Variants in DSCAM observed in about 807,000 individuals in gnomAD.
DSCAM encodes the protein DS cell adhesion molecule.
In DSCAM, 47 loss-of-function variants were observed where a neutral mutation model predicts 217.7. That is an observed-to-expected ratio of 0.22 (90% CI 0.17 to 0.28). The LOEUF (loss-of-function observed/expected upper bound fraction) is 0.28. DSCAM is among the 10% of genes least tolerant of loss of function. DSCAM has a pLI of 1.00. For synonymous variants in DSCAM, 1,056 were observed against 1,015.3 expected, an observed-to-expected ratio of 1.04 and a Z score of -0.76; for missense variants, 2,080 against 2,618.3, an observed-to-expected ratio of 0.79 and a Z score of 4.49.
intron 32 of DSCAM, 59 bp downstream of exon 32, chr21:40,042,312 G>T: frequency 6.4e-7 from 1 of 1,563,952 alleles, no homozygotes; most frequent in South Asian, 1.2e-5. Flanking sequence ...GCAGATGAGG[G>T]AGGACCAGGA....
In DSCAM at chr21:40,518,530, A is replaced by ATT. The variant is rs2076331585; in HGVS notation, c.509-149286_509-149285insAA. ...ATATAATATATATAATATATATTTT[A>ATT]TATATATATATGTACACACACATAT... On this transcript the variant is annotated intron_variant, in intron 3 of 32. Coordinates refer to ENST00000400454, the MANE Select transcript of DSCAM (RefSeq NM_001389.5). 8.6e-4 allele frequency among the ~76,000 whole-genome samples: 36 copies of ATT among 41,804 alleles called. 4 individuals are homozygous for ATT. The highest frequency in any genetic ancestry group is 5.6e-3 in the Admixed American group (11 of 1,958). The allele number at this position is 41,804 out of a possible 152,430, so 27.4% of individuals were successfully genotyped here.
At chr21:40,469,856 G>A (rs2075873990) in intron 3 of DSCAM, among the ~76,000 whole-genome samples, 1 of 152,174 alleles carries the variant, frequency 6.6e-6, no homozygotes, top group Non-Finnish European at 1.5e-5. Flanking sequence ...TTATTTGCAT[G>A]TAGTGTTTGA....
intron 16 of DSCAM, among the ~76,000 whole-genome samples, chr21:40,145,114 T>C (rs1330469266): frequency 6.6e-6 from 1 of 152,118 alleles, no homozygotes; most frequent in Non-Finnish European, 1.5e-5. Context: ...AAAATACAGA[T>C]CATGTTTGTG....
chr21:40,559,480 C>G (rs554914596), intron 3 of DSCAM, among the ~76,000 whole-genome samples: 7 of 145,788 alleles, frequency 4.8e-5, no homozygotes, highest in Admixed American at 4.8e-4. Context: ...AAAAAAAGTA[C>G]AAGTAAAGAC....
intron 3 of DSCAM, among the ~76,000 whole-genome samples, chr21:40,539,251 T>C (rs1004916242): frequency 1.5e-4 from 23 of 152,042 alleles, no homozygotes; most frequent in African/African-American, 5.3e-4. Context: ...ACGCTGGTAA[T>C]CCCAGCACTT....
At chr21:40,272,649 G>T (rs2073634719) in intron 11 of DSCAM, among the ~76,000 whole-genome samples, 1 of 152,084 alleles carries the variant, frequency 6.6e-6, no homozygotes, top group South Asian at 2.1e-4. Context: ...GGAGAGTTTG[G>T]GTCTTTAAAT....
At chr21:40,840,018 C>T (rs1039534140) in intron 1 of DSCAM, among the ~76,000 whole-genome samples, 5 of 152,128 alleles carry the variant, frequency 3.3e-5, no homozygotes, top group Middle Eastern at 3.2e-3. Context: ...AATCCAGTTG[C>T]ATGATTTTTA....
At chr21:40,272,845 A>G (rs1279795053) in intron 11 of DSCAM, among the ~76,000 whole-genome samples, 1 of 152,202 alleles carries the variant, frequency 6.6e-6, no homozygotes, top group African/African-American at 2.4e-5. Flanking sequence ...TATTTAGACC[A>G]GTAAACTCTC....
Position 40,369,255 on chromosome 21 carries a change from A to G in DSCAM, c.509-10T>C. 1 of 1,606,048 alleles carries G rather than the reference A, an allele frequency of 6.2e-7. No individual in the cohort carries two copies. Among genetic ancestry groups the G allele is most frequent in the Non-Finnish European group, 8.5e-7 (1 of 1,176,602 alleles). ...ATGAGAAATCTAGATCCTGAAATAG[A>G]GGAAAACAGTGGCTTGGTTAAAAGA... On this transcript the variant is annotated splice_polypyrimidine_tract_variant and intron_variant, in intron 3 of 32. Coordinates refer to ENST00000400454, the MANE Select transcript of DSCAM (RefSeq NM_001389.5).
intron 3 of DSCAM, among the ~76,000 whole-genome samples, chr21:40,640,192 A>AGGAAAATCAAGAGAAGTGGCAGAG (rs1555875253): frequency 8.7e-6 from 1 of 114,668 alleles, no homozygotes; most frequent in Admixed American, 1.1e-4. Context: ...AAGTGGCAGA[A>AGGAAAATCAAGAGAAGTGGCAGAG]AACTATGGGA....
chr21:40,620,767 C>A (rs1429359025), intron 3 of DSCAM, among the ~76,000 whole-genome samples: 4 of 152,216 alleles, frequency 2.6e-5, no homozygotes, highest in Non-Finnish European at 5.9e-5. Context: ...AGAAACACTA[C>A]ACTGTGTTCA....
chr21:40,263,886 C>T lies in DSCAM; in HGVS notation c.2356+12211G>A, dbSNP rs374942696. Among the ~76,000 whole-genome samples, 65 of 152,206 alleles carry T rather than the reference C, an allele frequency of 4.3e-4. 1 individual carries two copies. The South Asian group carries it at 8.7e-3, about 20-fold the overall frequency. On this transcript the variant is annotated intron_variant, in intron 11 of 32. Transcript: ENST00000400454. ...AATGGAGACATCACAACTGACACCACAGAAATGCAAAAGATCATTTGAGAC... is the reference window on the plus strand; with the variant it reads ...AATGGAGACATCACAACTGACACCATAGAAATGCAAAAGATCATTTGAGAC...
At chr21:40,315,096 A>C (rs1220399770) in intron 8 of DSCAM, among the ~76,000 whole-genome samples, 1 of 152,150 alleles carries the variant, frequency 6.6e-6, no homozygotes, top group East Asian at 1.9e-4. Flanking sequence ...CATATTTTTT[A>C]ATCTAGCTAT....
intron 1 of DSCAM, among the ~76,000 whole-genome samples, chr21:40,731,733 C>A (rs867162805): frequency 3.1e-4 from 38 of 122,456 alleles, no homozygotes; most frequent in Admixed American, 1.3e-3. Flanking sequence ...ACTGCACCCC[C>A]CCCCCCGCCC....
At chr21:40,299,726 T>G (rs7282745) in intron 9 of DSCAM, among the ~76,000 whole-genome samples, 26,093 of 151,952 alleles carry the variant, frequency 0.17, 4,026 homozygotes, top group African/African-American at 0.4. Context: ...AATGACATCA[T>G]TCTCATATGC....
rs2075378663 is a variant in DSCAM, at chr21:40,417,032, TTTGG to T, written c.509-47791_509-47788del. Among the ~76,000 whole-genome samples the T allele has an allele frequency of 2.0e-5, 3 of 152,140 alleles. No individual in the cohort carries two copies. In the South Asian group the frequency reaches 6.2e-4, roughly 32 times the overall value. Reference sequence around the variant, plus strand: ...ATCTGAAAAGGTGACATTGGTCTGATTTGGTTGAGGCATCTGACTATATCTGTAA... The same window carrying T: ...ATCTGAAAAGGTGACATTGGTCTGATTTGAGGCATCTGACTATATCTGTAA... On this transcript the variant is annotated intron_variant, in intron 3 of 32. Transcript: ENST00000400454.
chr21:40,369,353 A>G (rs1208651421), intron 3 of DSCAM, 108 bp from the exon 4 acceptor site: 4 of 1,126,810 alleles, frequency 3.5e-6, no homozygotes, highest in Non-Finnish European at 3.7e-6. Flanking sequence ...AAGAAACTTA[A>G]TGAAAAGGCT....
chr21:40,287,403 C>T (rs759289360), intron 10 of DSCAM, among the ~76,000 whole-genome samples: 12 of 152,154 alleles, frequency 7.9e-5, no homozygotes, highest in Non-Finnish European at 1.8e-4. Flanking sequence ...TCTTCTGAGA[C>T]ATAGGCCATG....
At chr21:40,375,201 C>T (rs1296545756) in intron 3 of DSCAM, among the ~76,000 whole-genome samples, 1 of 152,220 alleles carries the variant, frequency 6.6e-6, no homozygotes, top group Non-Finnish European at 1.5e-5. Context: ...CCTCCCTCAA[C>T]ACTGTACCAC....
Sources: allele counts gnomAD v4.1 joint callset (sites outside exome capture counted in the v4.1 genomes callset), GRCh38; gene constraint gnomAD v4.1.1; transcripts MANE v1.5; gene names NCBI Gene and HGNC (gene_info 2026-07-23, HGNC 2026-07-21).